Variants in FSHR observed in about 807,000 individuals in gnomAD.
FSHR encodes the protein follicle-stimulating hormone receptor.
A neutral mutation model predicts 52.1 loss-of-function variants in FSHR; 46 were observed. That is an observed-to-expected ratio of 0.88 (90% CI 0.70 to 1.13). FSHR has a LOEUF of 1.13. Ranked by LOEUF, FSHR falls within the 50% of genes most tolerant of loss-of-function variation. FSHR has a pLI of 0.00. For synonymous variants in FSHR, 399 were observed against 309.6 expected (o/e 1.29, Z -3.03); for missense variants, 964 against 834.6 (o/e 1.16, Z -1.91).
Position 49,041,212 on chromosome 2 carries a change from C to T in FSHR, c.225-21052G>A, listed in dbSNP as rs568199573. On this transcript the variant is annotated intron_variant, in intron 2 of 9. Transcript: ENST00000406846. ...CTTAGCTCTGATTTTTTTCATACAG[C>T]GCATTTGGGAGGCACACCGTGAATA... Among the ~76,000 whole-genome samples the T allele has an allele frequency of 1.8e-4, 28 of 152,030 alleles. No individual in the cohort carries two copies. In the East Asian group the frequency reaches 3.1e-3, roughly 17 times the overall value.
intron 2 of FSHR, among the ~76,000 whole-genome samples, chr2:49,024,623 T>G (rs1667857279): frequency 6.6e-6 from 1 of 152,186 alleles, no homozygotes; most frequent in South Asian, 2.1e-4. Context: ...AAACAGAAAC[T>G]TCTTTTTCAC....
chr2:48,982,845 G>A, intron 8 of FSHR, 67 bp downstream of exon 8: 1 of 1,344,038 alleles, frequency 7.4e-7, no homozygotes, highest in Non-Finnish European at 1.1e-6. Flanking sequence ...TCCCCTAGCT[G>A]CAGAGAGTTG....
In FSHR at chr2:48,966,033, G is replaced by A. The variant is rs371061522; in HGVS notation, c.855-2067C>T. Among the ~76,000 whole-genome samples the A allele has an allele frequency of 1.5e-4, 23 of 152,318 alleles. No homozygotes were observed. In the South Asian group the frequency reaches 4.6e-3, roughly 30 times the overall value. On this transcript the variant is annotated intron_variant, in intron 9 of 9. Coordinates refer to ENST00000406846, the MANE Select transcript of FSHR (RefSeq NM_000145.4). ...AGAGCCTAAGCTTTGGAGGCAGGCAGACCAGATTTGGATCTGTTTGGTCAG... is the reference window on the plus strand; with the variant it reads ...AGAGCCTAAGCTTTGGAGGCAGGCAAACCAGATTTGGATCTGTTTGGTCAG...
At chr2:49,002,186 A>C (rs571663093) in intron 4 of FSHR, among the ~76,000 whole-genome samples, 1 of 152,140 alleles carries the variant, frequency 6.6e-6, no homozygotes, top group Non-Finnish European at 1.5e-5. Context: ...AGCTTTCTGC[A>C]TTATGATTTC....
At chr2:49,038,856 A>G (rs1668387106) in intron 2 of FSHR, among the ~76,000 whole-genome samples, 1 of 152,076 alleles carries the variant, frequency 6.6e-6, no homozygotes, top group Non-Finnish European at 1.5e-5. Context: ...TAAAGTAACT[A>G]TAACATAATA....
intron 4 of FSHR, among the ~76,000 whole-genome samples, chr2:48,993,801 T>C (rs1675894307): frequency 6.6e-6 from 1 of 152,200 alleles, no homozygotes; most frequent in African/African-American, 2.4e-5. Flanking sequence ...TTGCATGTAC[T>C]TTCTCTAGAA....
chr2:49,055,016 C>G (rs1558414011), intron 2 of FSHR, among the ~76,000 whole-genome samples: 1 of 152,106 alleles, frequency 6.6e-6, no homozygotes, highest in Non-Finnish European at 1.5e-5. Context: ...AACACAGTGA[C>G]TCTCCAGTCA....
At chr2:49,054,594 A>G (rs1668986288) in intron 2 of FSHR, among the ~76,000 whole-genome samples, 1 of 152,162 alleles carries the variant, frequency 6.6e-6, no homozygotes, top group African/African-American at 2.4e-5. Context: ...CCTCTGATCA[A>G]AGTAATAGCC....
intron 4 of FSHR, among the ~76,000 whole-genome samples, chr2:49,008,601 C>A (rs1262717782): frequency 6.8e-6 from 1 of 148,070 alleles, no homozygotes; most frequent in Non-Finnish European, 1.5e-5. Context: ...GGAATCGCCA[C>A]ACTGACTTCC....
At chr2:49,095,653 C>T (rs1467293447) in intron 1 of FSHR, among the ~76,000 whole-genome samples, 2 of 151,980 alleles carry the variant, frequency 1.3e-5, no homozygotes, top group Non-Finnish European at 2.9e-5. Flanking sequence ...AATATTTGTG[C>T]ATCAAAAGAC....
At chr2:49,152,985 C>T (rs780994266) in intron 1 of FSHR, among the ~76,000 whole-genome samples, 6 of 152,238 alleles carry the variant, frequency 3.9e-5, no homozygotes, top group Non-Finnish European at 5.9e-5. Flanking sequence ...TCAGGAGTAG[C>T]TGTCTAATCT....
At chr2:49,013,485 A>AATAT (rs1194815128) in intron 4 of FSHR, among the ~76,000 whole-genome samples, 11 of 95,736 alleles carry the variant, frequency 1.1e-4, no homozygotes, top group East Asian at 1.1e-3. Flanking sequence ...TATATAAATA[A>AATAT]ATATATATAT....
chr2:49,076,921 G>A (rs1471191280), intron 1 of FSHR, among the ~76,000 whole-genome samples: 1 of 152,168 alleles, frequency 6.6e-6, no homozygotes, highest in Non-Finnish European at 1.5e-5. Context: ...GTAAGAGGTG[G>A]GTTCCATGAT....
intron 8 of FSHR, among the ~76,000 whole-genome samples, chr2:48,979,769 C>T (rs139876639): frequency 8.5e-4 from 129 of 152,088 alleles, no homozygotes; most frequent in Non-Finnish European, 1.5e-3. Flanking sequence ...AGAGCACCCT[C>T]CGGTAAACCT....
chr2:48,979,091 T>C (rs1675122130), intron 8 of FSHR, among the ~76,000 whole-genome samples: 1 of 152,088 alleles, frequency 6.6e-6, no homozygotes, highest in African/African-American at 2.4e-5. Flanking sequence ...TCAGTTTCAC[T>C]AGGAAGATGT....
chr2:48,996,121 G>T (rs1397826876), intron 4 of FSHR, among the ~76,000 whole-genome samples: 1 of 152,048 alleles, frequency 6.6e-6, no homozygotes, highest in African/African-American at 2.4e-5. Context: ...CCTACTAATT[G>T]GTTTCCTATG....
At chr2:49,129,902 A>G (rs1431839253) in intron 1 of FSHR, among the ~76,000 whole-genome samples, 1 of 152,200 alleles carries the variant, frequency 6.6e-6, no homozygotes, top group Non-Finnish European at 1.5e-5. Flanking sequence ...GAGTTCAGGA[A>G]ATTAGGACAA....
chr2:49,066,547 C>T (rs933355038), intron 2 of FSHR, among the ~76,000 whole-genome samples: 1 of 152,004 alleles, frequency 6.6e-6, no homozygotes, highest in African/African-American at 2.4e-5. Flanking sequence ...GGTAAAAAAA[C>T]AAGATCAATT....
chr2:49,084,571 G>A (rs1023069658), intron 1 of FSHR, among the ~76,000 whole-genome samples: 12 of 152,022 alleles, frequency 7.9e-5, no homozygotes, highest in African/African-American at 2.9e-4. Context: ...TTTTCTGAAA[G>A]GATCAACAAA....
Sources: allele counts gnomAD v4.1 joint callset (sites outside exome capture counted in the v4.1 genomes callset), GRCh38; gene constraint gnomAD v4.1.1; transcripts MANE v1.5; gene names NCBI Gene and HGNC (gene_info 2026-07-23, HGNC 2026-07-21).